The following CNTLN variants were observed in gnomAD, a reference collection of about 807,000 sequenced individuals.
The protein encoded by CNTLN is centlein, centrosomal protein.
Under a neutral mutation model 180.0 loss-of-function variants are expected in CNTLN, and 212 were observed. The observed-to-expected ratio is 1.18, with a 90% CI of 1.05 to 1.32. CNTLN has a LOEUF of 1.32. Ranked by LOEUF, CNTLN falls within the 40% of genes most tolerant of loss-of-function variation. CNTLN has a pLI of 0.00. For synonymous variants in CNTLN, 722 were observed against 563.1 expected (o/e 1.28, Z -3.99); for missense variants, 2,095 against 1,610.9 (o/e 1.30, Z -5.14).
the CNTLN span, among the ~76,000 whole-genome samples, chr9:17,527,621 A>T: frequency 6.6e-6 from 1 of 152,138 alleles, no homozygotes; most frequent in African/African-American, 2.4e-5. Context: ...GTGGTAAAGA[A>T]TTAGAGTTGG....
At chr9:17,163,216 C>T (rs1164434403) in intron 2 of CNTLN, among the ~76,000 whole-genome samples, 1 of 152,178 alleles carries the variant, frequency 6.6e-6, no homozygotes, top group East Asian at 1.9e-4. Context: ...TACCCCCCAG[C>T]TGGGTCCCTC....
At chr9:17,408,372 A>T (rs1827573358) in intron 15 of CNTLN, among the ~76,000 whole-genome samples, 1 of 151,884 alleles carries the variant, frequency 6.6e-6, no homozygotes, top group South Asian at 2.1e-4. Context: ...TTAACACATC[A>T]CTATTGACAT....
intron 8 of CNTLN, among the ~76,000 whole-genome samples, chr9:17,327,905 A>G (rs970727734): frequency 6.6e-6 from 1 of 152,090 alleles, no homozygotes; most frequent in Non-Finnish European, 1.5e-5. Context: ...GTGAGCCGAG[A>G]TTGCACCATT....
intron 6 of CNTLN, among the ~76,000 whole-genome samples, chr9:17,290,482 C>T (rs1012873163): frequency 1.4e-5 from 2 of 147,042 alleles, no homozygotes; most frequent in Admixed American, 1.4e-4. Context: ...GCCCTGCCCC[C>T]AGAGGTGGAG....
chr9:17,201,365 G>T (rs559527234), intron 2 of CNTLN, among the ~76,000 whole-genome samples: 1 of 152,308 alleles, frequency 6.6e-6, no homozygotes, highest in South Asian at 2.1e-4. Context: ...AGTTAGGGAG[G>T]AGTCCCTCTT....
intron 5 of CNTLN, among the ~76,000 whole-genome samples, chr9:17,258,902 C>G (rs970287854): frequency 2.5e-4 from 37 of 146,030 alleles, no homozygotes; most frequent in African/African-American, 4.8e-4. Context: ...TCTAGATATA[C>G]ATTCATGTCA....
intron 25 of CNTLN, among the ~76,000 whole-genome samples, chr9:17,490,458 T>A (rs1235680009): frequency 6.6e-6 from 1 of 152,086 alleles, no homozygotes; most frequent in Non-Finnish European, 1.5e-5. Flanking sequence ...GGTAAGGCAG[T>A]TTTAGTTAAA....
intron 23 of CNTLN, among the ~76,000 whole-genome samples, chr9:17,480,041 T>G (rs916000577): frequency 1.2e-4 from 18 of 152,034 alleles, no homozygotes; most frequent in African/African-American, 4.1e-4. Flanking sequence ...TTCACAGAAA[T>G]TGACCGGTCA....
intron 8 of CNTLN, among the ~76,000 whole-genome samples, chr9:17,328,964 T>C (rs1302600806): frequency 1.3e-5 from 2 of 151,944 alleles, no homozygotes; most frequent in African/African-American, 4.8e-5. Flanking sequence ...TGTTGGAGCA[T>C]TGTTAATGTC....
chr9:17,465,242 A>G (rs1831680613), intron 21 of CNTLN, among the ~76,000 whole-genome samples: 1 of 150,540 alleles, frequency 6.6e-6, no homozygotes, highest in Non-Finnish European at 1.5e-5. Flanking sequence ...GTTGAAAATG[A>G]AAATTTAAGT....
rs1825837210 is a variant in CNTLN, at chr9:17,388,222, G to C, written c.2048G>C (p.Gly683Ala). The change falls in exon 14 of 26, where the codon GGA becomes GCA. Residue 683 changes from glycine to alanine, a missense_variant. Coordinates refer to ENST00000380647, the MANE Select transcript of CNTLN (RefSeq NM_017738.4). ...EVKRSTPEKNGKEMLEQTLQK... is the reference protein window; with the variant it reads ...EVKRSTPEKNAKEMLEQTLQK... Reference sequence around the variant, plus strand: ...AAGAGGAGTACTCCAGAGAAGAATGGAAAAGAAATGTTGGAGCAGACATTA... The same window carrying C: ...AAGAGGAGTACTCCAGAGAAGAATGCAAAAGAAATGTTGGAGCAGACATTA... 1 of 1,612,052 alleles carries C rather than the reference G, an allele frequency of 6.2e-7. No homozygotes were observed. Among genetic ancestry groups the C allele is most frequent in the African/African-American group, 1.3e-5 (1 of 74,856 alleles).
At chr9:17,322,338 C>CT (rs1819972166) in intron 8 of CNTLN, among the ~76,000 whole-genome samples, 1 of 151,846 alleles carries the variant, frequency 6.6e-6, no homozygotes. Context: ...AACTTTTTTT[C>CT]TAAAGGCCAT....
At chr9:17,238,598 A>G (rs1041910854) in intron 5 of CNTLN, among the ~76,000 whole-genome samples, 2 of 152,126 alleles carry the variant, frequency 1.3e-5, no homozygotes, top group African/African-American at 4.8e-5. Flanking sequence ...TCCTCCAGTC[A>G]CAGTTTTGCA....
intron 1 of CNTLN, among the ~76,000 whole-genome samples, chr9:17,136,001 A>G (rs1202522668): frequency 6.6e-6 from 1 of 152,218 alleles, no homozygotes; most frequent in Non-Finnish European, 1.5e-5. Flanking sequence ...AGCTATGGTA[A>G]TTCCGCGGTC....
chr9:17,309,058 C>A lies in CNTLN; in HGVS notation c.1147C>A (p.Leu383Ile). ...HTAESISYQK[L>I]YNELHICFET... is the part of the protein sequence containing the mutation. ...AATTTGGATATATTTTTTGAAACAG[C>A]TTTACAATGAGTTACATATTTGTTT... Residue 383 changes from leucine (L) to isoleucine (I), a missense_variant and splice_region_variant, in exon 8 of 26, where the codon CTT becomes ATT. Physicochemically the swap from Leu to Ile is conservative, Grantham distance 5. Coordinates refer to ENST00000380647, the MANE Select transcript of CNTLN (RefSeq NM_017738.4). The A allele has an allele frequency of 6.4e-7, 1 of 1,569,092 alleles. No individual in the cohort carries two copies. The highest frequency in any genetic ancestry group is 8.6e-7 in the Non-Finnish European group (1 of 1,162,952).
At chr9:17,171,525 T>C (rs1384044015) in intron 2 of CNTLN, among the ~76,000 whole-genome samples, 1 of 152,206 alleles carries the variant, frequency 6.6e-6, no homozygotes, top group Non-Finnish European at 1.5e-5. Context: ...GGTTCTTTGA[T>C]GGCCAGGGCT....
At chr9:17,469,602 C>T (rs1200114481) in intron 23 of CNTLN, among the ~76,000 whole-genome samples, 1 of 151,824 alleles carries the variant, frequency 6.6e-6, no homozygotes. Context: ...TCAATGCTTC[C>T]TCCTTTTTAA....
chr9:17,475,665 G>C (rs1242354620), intron 23 of CNTLN, among the ~76,000 whole-genome samples: 1 of 152,040 alleles, frequency 6.6e-6, no homozygotes, highest in Non-Finnish European at 1.5e-5. Flanking sequence ...GAGGTCAGGA[G>C]ATCAAGACCA....
intron 2 of CNTLN, among the ~76,000 whole-genome samples, chr9:17,171,412 C>G (rs571780278): frequency 1.2e-4 from 18 of 152,274 alleles, no homozygotes; most frequent in African/African-American, 3.1e-4. Context: ...AGTCTCCATG[C>G]AGTTTTGTCA....
Sources: allele counts gnomAD v4.1 joint callset (sites outside exome capture counted in the v4.1 genomes callset), GRCh38; gene constraint gnomAD v4.1.1; transcripts MANE v1.5; gene names NCBI Gene and HGNC (gene_info 2026-07-23, HGNC 2026-07-21).